RAB9B: variants seen among roughly 807,000 people sequenced by gnomAD.
RAB9B encodes the protein ras-related protein Rab-9B.
In RAB9B, 1 loss-of-function variant was observed where a neutral mutation model predicts 8.9. That is an observed-to-expected ratio of 0.11 (90% CI 0.04 to 0.53). The LOEUF (loss-of-function observed/expected upper bound fraction) is 0.53. RAB9B is among the 20% of genes least tolerant of loss of function. RAB9B has a pLI of 0.93. For synonymous variants in RAB9B, 63 were observed against 57.0 expected (o/e 1.10, Z -0.47); for missense variants, 82 against 152.9 (o/e 0.54, Z 2.45).
At chrX:103,777,077 G>A in the RAB9B span, 76 of 876,117 alleles carry the variant, frequency 8.7e-5, no homozygotes, top group African/African-American at 8.3e-4. Flanking sequence ...TTTGGGGTTC[G>A]GGGGTTCCAT....
chrX:103,789,489 C>T, the RAB9B span: 2 of 716,361 alleles, frequency 2.8e-6, no homozygotes, highest in Admixed American at 4.4e-5. Context: ...AGACTGCTTC[C>T]ATCCTTGAAA....
chrX:103,785,641 A>G, the RAB9B span: 8 of 1,207,866 alleles, frequency 6.6e-6, no homozygotes, highest in Non-Finnish European at 9.0e-6. Flanking sequence ...CCTGGTGGCC[A>G]CTGGATTGTG....
rs754237508 is a variant in RAB9B at position 103,831,137 on chromosome X, G to A, written c.-117+923C>T. 2.9e-4 allele frequency among the ~76,000 whole-genome samples: 32 copies of A among 111,355 alleles called. No homozygotes were observed. In the South Asian group the frequency reaches 0.012, roughly 43 times the overall value. On this transcript the variant is annotated intron_variant, in intron 1 of 2. Coordinates refer to ENST00000243298, the MANE Select transcript of RAB9B (RefSeq NM_016370.4). ...AGGGCTACTCAACTCACTGTTGAAT[G>A]CTGGCACAATAATTGGAAATATTGC...
the RAB9B span, among the ~76,000 whole-genome samples, chrX:103,814,731 C>T: frequency 5.4e-5 from 6 of 111,262 alleles, no homozygotes; most frequent in Middle Eastern, 4.6e-3. Context: ...ATCAAATACA[C>T]GCAATAAAAA....
At chrX:103,787,104 G>C in the RAB9B span, 3 of 219,974 alleles carry the variant, frequency 1.4e-5, no homozygotes, top group East Asian at 2.9e-4. Context: ...TTGGGCACCT[G>C]ATCTGAGAGG....
At chrX:103,787,570 C>T in the RAB9B span, 10 of 443,278 alleles carry the variant, frequency 2.3e-5, no homozygotes, top group Non-Finnish European at 3.9e-5. Context: ...ATCCTCCTCA[C>T]TCTTCCCCTA....
At chrX:103,798,070 T>TGCA in the RAB9B span, among the ~76,000 whole-genome samples, 1 of 111,671 alleles carries the variant, frequency 9.0e-6, no homozygotes, top group Non-Finnish European at 1.9e-5. Flanking sequence ...AATCAGAAAC[T>TGCA]GCACTTTAAC....
chrX:103,800,691 A>G, the RAB9B span, among the ~76,000 whole-genome samples: 2 of 111,992 alleles, frequency 1.8e-5, no homozygotes. Flanking sequence ...ACTCATTTTA[A>G]TGTATCTGCG....
the RAB9B span, among the ~76,000 whole-genome samples, chrX:103,816,619 T>C: frequency 1.8e-5 from 2 of 111,272 alleles, no homozygotes; most frequent in Admixed American, 1.9e-4. Flanking sequence ...CACAGAAAAA[T>C]AAACTATTAT....
chrX:103,819,899 C>G (rs1000488168), downstream of RAB9B, among the ~76,000 whole-genome samples: 1 of 112,073 alleles, frequency 8.9e-6, no homozygotes, highest in Non-Finnish European at 1.9e-5. Context: ...TTTTTGTCCC[C>G]CTCCAAAATT....
chrX:103,783,120 G>C, the RAB9B span, among the ~76,000 whole-genome samples: 1 of 111,992 alleles, frequency 8.9e-6, no homozygotes, highest in Admixed American at 9.4e-5. Flanking sequence ...TGTTGAGAAA[G>C]AGGAAGATCA....
Position 103,827,323 on chromosome X carries a change from T to G in RAB9B, c.-116-245A>C, listed in dbSNP as rs199563324. On this transcript the variant is annotated intron_variant, in intron 1 of 2. Coordinates refer to ENST00000243298, the MANE Select transcript of RAB9B (RefSeq NM_016370.4). ...TGTAATTTATATAATTTTTTACATT[T>G]TATATTGTCTCTCAATTGAATTCTC... 8.0e-5 allele frequency among the ~76,000 whole-genome samples: 9 copies of G among 112,170 alleles called. No individual in the cohort carries two copies. The East Asian group carries it at 1.7e-3, about 21-fold the overall frequency.
chrX:103,819,899 C>T (rs1000488168), downstream of RAB9B, among the ~76,000 whole-genome samples: 1 of 112,073 alleles, frequency 8.9e-6, no homozygotes, highest in African/African-American at 3.2e-5. Context: ...TTTTTGTCCC[C>T]CTCCAAAATT....
chrX:103,795,484 A>C, the RAB9B span, among the ~76,000 whole-genome samples: 5 of 111,481 alleles, frequency 4.5e-5, no homozygotes, highest in Non-Finnish European at 9.4e-5. Flanking sequence ...TGAGGGTTAC[A>C]ATATTAAAAC....
the RAB9B span, among the ~76,000 whole-genome samples, chrX:103,805,498 G>A: frequency 9.0e-6 from 1 of 111,335 alleles, no homozygotes; most frequent in African/African-American, 3.3e-5. Flanking sequence ...GAGAGTAATG[G>A]TCTCATAGAA....
chrX:103,821,386 A>G (rs2074660057), downstream of RAB9B, among the ~76,000 whole-genome samples: 1 of 110,065 alleles, frequency 9.1e-6, no homozygotes, highest in Non-Finnish European at 1.9e-5. Flanking sequence ...TTCCCAACAA[A>G]TTCCCCACCC....
intron 2 of RAB9B, among the ~76,000 whole-genome samples, chrX:103,826,526 T>C (rs2074684050): frequency 8.9e-6 from 1 of 112,160 alleles, no homozygotes; most frequent in Non-Finnish European, 1.9e-5. Flanking sequence ...TATTAGTTTT[T>C]GGATTCAGGT....
the RAB9B span, among the ~76,000 whole-genome samples, chrX:103,799,622 T>C: frequency 9.0e-6 from 1 of 111,512 alleles, no homozygotes; most frequent in Non-Finnish European, 1.9e-5. Flanking sequence ...TGGAGGGAAT[T>C]ACCCATTGGT....
At chrX:103,819,829 G>T (rs1487203541), downstream of RAB9B, among the ~76,000 whole-genome samples, 5 of 112,239 alleles carry the variant, frequency 4.5e-5, 1 homozygote, top group Admixed American at 4.7e-4. Flanking sequence ...AAACATTAGT[G>T]AATATCCCAA....
Sources: allele counts gnomAD v4.1 joint callset (sites outside exome capture counted in the v4.1 genomes callset), GRCh38; gene constraint gnomAD v4.1.1; transcripts MANE v1.5; gene names NCBI Gene and HGNC (gene_info 2026-07-23, HGNC 2026-07-21).